The following CP variants were observed in gnomAD, a reference collection of about 807,000 sequenced individuals.
CP encodes ceruloplasmin.
CP carries 64 observed loss-of-function variants against 122.4 expected under a neutral mutation model. The ratio of observed to expected loss-of-function variants is 0.52; its 90% CI spans 0.43 to 0.64. CP has a LOEUF of 0.64. Among genes scored for constraint, CP ranks in the 30% least tolerant of loss-of-function variants. The pLI is 0.00. For missense variants in CP, 1,167 were observed against 1,284.4 expected, an observed-to-expected ratio of 0.91 and a Z score of 1.40; for synonymous variants, 440 against 436.4, an observed-to-expected ratio of 1.01 and a Z score of -0.10.
rs1725821400 is a variant in CP, at chr3:149,182,030, ACT to A, written c.2527_2528del (p.Ser843PhefsTer10). 2 of 1,460,772 alleles carry A rather than the reference ACT, an allele frequency of 1.4e-6. No homozygotes were observed. Among genetic ancestry groups the A allele is most frequent in the Non-Finnish European group, 9.2e-7 (1 of 1,091,032 alleles). 90.5% of individuals were successfully genotyped at this position (1,460,772 alleles called of 1,614,324 possible). ...CTGGTAATGTTGGAGTAACTGTAGA[ACT>A]CTCTGTTTGTACCCCATGGGCATGT... ...SIHAHGVQTE[S>X]STVTPTLPGE... On this transcript the variant is annotated frameshift_variant, in exon 14 of 19. Coordinates refer to ENST00000264613, the MANE Select transcript of CP (RefSeq NM_000096.4). LOFTEE classifies it high-confidence loss of function.
At chr3:149,219,037 G>A (rs1728645546) in intron 1 of CP, among the ~76,000 whole-genome samples, 1 of 152,192 alleles carries the variant, frequency 6.6e-6, no homozygotes, top group African/African-American at 2.4e-5. Flanking sequence ...CTGGGACAAA[G>A]AAGGGACCAA....
chr3:149,177,750 T>C (rs1725509477), intron 17 of CP, 90 bp downstream of exon 17: 3 of 1,435,742 alleles, frequency 2.1e-6, no homozygotes, highest in Non-Finnish European at 2.9e-6. Context: ...TGCAGCTTTT[T>C]TTCATAAGTC....
chr3:149,179,905 C>T (rs997892142), intron 14 of CP: 1 of 467,176 alleles, frequency 2.1e-6, no homozygotes, highest in African/African-American at 2.0e-5. Context: ...AGCTATAACC[C>T]ACTTGCCATA....
chr3:149,203,110 G>A (rs892393638), intron 6 of CP, among the ~76,000 whole-genome samples: 13 of 151,986 alleles, frequency 8.6e-5, no homozygotes, highest in Non-Finnish European at 1.6e-4. Context: ...GTTTCACCGT[G>A]TTAGCCAGGA....
At chr3:149,165,080 A>G (rs769133692) in intron 5 of CP, among the ~76,000 whole-genome samples, 1 of 152,146 alleles carries the variant, frequency 6.6e-6, no homozygotes. Context: ...AAAATAACCA[A>G]AGAAGATTCT....
intron 1 of CP, among the ~76,000 whole-genome samples, chr3:149,221,041 A>AT (rs35334247): frequency 0.033 from 4,951 of 152,218 alleles, 160 homozygotes; most frequent in Non-Finnish European, 0.045. Flanking sequence ...AGTACCTGAC[A>AT]TTTTTTTATG....
intron 1 of CP, among the ~76,000 whole-genome samples, chr3:149,217,349 G>A (rs1728530659): frequency 6.6e-6 from 1 of 151,944 alleles, no homozygotes; most frequent in South Asian, 2.1e-4. Context: ...AACTTGGGAG[G>A]CCACTAGGCT....
Position 149,209,194 on chromosome 3 carries a change from G to A in CP, c.781+17C>T. ...AGGGAAAAAAAAGTAAAGTTAACAT[G>A]TCTGCTGTAATCTTACAATACATTC... is the stretch of plus-strand genomic sequence containing the variant. On this transcript the variant is annotated intron_variant, in intron 4 of 18. Coordinates refer to ENST00000264613, the MANE Select transcript of CP (RefSeq NM_000096.4). 1 of 1,613,268 alleles carries A rather than the reference G, an allele frequency of 6.2e-7. No homozygotes were observed. The highest frequency in any genetic ancestry group is 8.5e-7 in the Non-Finnish European group (1 of 1,179,402).
intron 9 of CP, among the ~76,000 whole-genome samples, chr3:149,195,738 C>G (rs545128083): frequency 6.6e-6 from 1 of 151,822 alleles, no homozygotes; most frequent in Non-Finnish European, 1.5e-5. Context: ...TGGTGGCGGG[C>G]GCCTGTAGTC....
intron 6 of CP, among the ~76,000 whole-genome samples, chr3:149,203,819 A>G (rs1391752819): frequency 2.0e-5 from 3 of 152,212 alleles, no homozygotes; most frequent in African/African-American, 7.2e-5. Flanking sequence ...TACATCTGGC[A>G]GAGAAGACAG....
chr3:149,195,902 AAAAAG>A (rs1178756351), intron 9 of CP, among the ~76,000 whole-genome samples: 20 of 152,100 alleles, frequency 1.3e-4, no homozygotes, highest in African/African-American at 4.8e-4. Flanking sequence ...AAAGCCAAAA[AAAAAG>A]GTAACTATGT....
intron 13 of CP, among the ~76,000 whole-genome samples, chr3:149,182,610 T>C (rs536225773): frequency 2.0e-4 from 31 of 152,214 alleles, no homozygotes; most frequent in African/African-American, 7.5e-4. Context: ...AATTGATAGT[T>C]TTAAAGAAAT....
intron 9 of CP, among the ~76,000 whole-genome samples, chr3:149,195,006 A>T (rs1207667355): frequency 1.3e-5 from 2 of 152,212 alleles, no homozygotes; most frequent in Non-Finnish European, 2.9e-5. Flanking sequence ...AGACTCACTT[A>T]TATATAAATA....
chr3:149,221,667 C>T lies in CP; in HGVS notation c.126G>A (p.Lys42=). 1 of 1,611,854 alleles carries T rather than the reference C, an allele frequency of 6.2e-7. No individual in the cohort carries two copies. The highest frequency in any genetic ancestry group is 1.7e-5 in the Admixed American group (1 of 59,702). The change falls in exon 1 of 19, where the codon AAG becomes AAA. Residue 42 remains lysine (K), a synonymous_variant. Transcript: ENST00000264613. ...TWDYASDHGE[K]KLISVDTEHS... ...CTTACGTGTCAACAGAAATAAGTTTCTTTTCCCCATGGTCAGAGGCATAAT... is the reference window on the plus strand; with the variant it reads ...CTTACGTGTCAACAGAAATAAGTTTTTTTTCCCCATGGTCAGAGGCATAAT...
intron 16 of CP, 139 bp downstream of exon 16, chr3:149,178,276 A>G: frequency 2.8e-6 from 2 of 714,020 alleles, no homozygotes; most frequent in Non-Finnish European, 4.7e-6. Context: ...TGTTTTGAAC[A>G]GGATTCTACC....
chr3:149,163,868 A>T, intron 5 of CP: 1 of 1,573,204 alleles, frequency 6.4e-7, no homozygotes, highest in Non-Finnish European at 8.8e-7. Context: ...ATTATGGCTT[A>T]ATTTATCCAT....
intron 9 of CP, among the ~76,000 whole-genome samples, chr3:149,192,609 AAC>A (rs1007477856): frequency 2.0e-5 from 3 of 151,994 alleles, no homozygotes; most frequent in African/African-American, 4.8e-5. Context: ...AATATGAAAA[AAC>A]ACACACAAAA....
chr3:149,162,697 G>T, exon 6 of CP: 1 of 1,613,824 alleles, frequency 6.2e-7, no homozygotes, highest in Middle Eastern at 1.7e-4. Flanking sequence ...AAGGTGCTTT[G>T]TGCTAAGGAT....
chr3:149,181,975 C>CGGGGGGGGGGGGCCG, intron 14 of CP, 30 bp downstream of exon 14: 1 of 1,088,426 alleles, frequency 9.2e-7, no homozygotes, highest in Non-Finnish European at 1.4e-6. Context: ...TGTTAAAATG[C>CGGGGGGGGGGGGCCG]ACCACCCCCA....
Sources: allele counts gnomAD v4.1 joint callset (sites outside exome capture counted in the v4.1 genomes callset), GRCh38; gene constraint gnomAD v4.1.1; transcripts MANE v1.5; gene names NCBI Gene and HGNC (gene_info 2026-07-23, HGNC 2026-07-21).